Variants in RSPH14 observed in about 807,000 individuals in gnomAD.
RSPH14 encodes radial spoke head 14 homolog, also known as rhabdoid tumor deletion region gene 1.
In RSPH14, 20 loss-of-function variants were observed where a neutral mutation model predicts 26.7. The ratio of observed to expected loss-of-function variants is 0.75; its 90% CI spans 0.53 to 1.09. The LOEUF (loss-of-function observed/expected upper bound fraction) is 1.09, where lower values mean the gene tolerates loss of function less well. RSPH14 is among the 50% of genes least tolerant of loss of function. RSPH14 has a pLI of 0.00. For synonymous variants in RSPH14, 177 were observed against 189.3 expected, an observed-to-expected ratio of 0.93 and a Z score of 0.53; for missense variants, 449 against 457.2, an observed-to-expected ratio of 0.98 and a Z score of 0.16.
At chr22:23,107,396 G>A (rs979524243) in intron 4 of RSPH14, among the ~76,000 whole-genome samples, 4 of 152,192 alleles carry the variant, frequency 2.6e-5, no homozygotes, top group African/African-American at 7.2e-5. Context: ...AGCCCTGTGC[G>A]GGTGGGCAGG....
intron 4 of RSPH14, chr22:23,132,876 C>T (rs1569194415): frequency 2.0e-5 from 3 of 151,978 alleles, no homozygotes; most frequent in African/African-American, 7.3e-5. Flanking sequence ...TGGTGGTCCC[C>T]CCATCTCGGG....
chr22:23,143,349 A>G (rs1055203944), upstream of RSPH14, among the ~76,000 whole-genome samples: 3 of 151,906 alleles, frequency 2.0e-5, no homozygotes, highest in Admixed American at 1.3e-4. Flanking sequence ...AATTTTAAAA[A>G]AAGATACAAG....
chr22:23,152,498 T>C, the RSPH14 span: 1 of 1,614,096 alleles, frequency 6.2e-7, no homozygotes, highest in Non-Finnish European at 8.5e-7. Flanking sequence ...TGGCGATCTC[T>C]ACGTGGGGAA....
chr22:23,139,033 T>C, intron 2 of RSPH14, 91 bp from the exon 3 acceptor site: 1 of 971,656 alleles, frequency 1.0e-6, no homozygotes, highest in Non-Finnish European at 1.5e-6. Context: ...AGTGGGCCAG[T>C]TGGGGCAGGA....
At chr22:23,079,248 G>C (rs778262083) in intron 4 of RSPH14, among the ~76,000 whole-genome samples, 1 of 152,228 alleles carries the variant, frequency 6.6e-6, no homozygotes, top group African/African-American at 2.4e-5. Flanking sequence ...GCGAATATGG[G>C]GGTCATTTTC....
chr22:23,108,638 A>C (rs1359861931), intron 4 of RSPH14, among the ~76,000 whole-genome samples: 1 of 152,276 alleles, frequency 6.6e-6, no homozygotes, highest in African/African-American at 2.4e-5. Flanking sequence ...AGGTGCCCTC[A>C]TGGGGCAGAA....
chr22:23,133,096 G>A (rs1427171976), intron 4 of RSPH14: 1 of 152,056 alleles, frequency 6.6e-6, no homozygotes, highest in Non-Finnish European at 1.5e-5. Flanking sequence ...TCTCTTCTTA[G>A]GTATGTTTCA....
intron 4 of RSPH14, among the ~76,000 whole-genome samples, chr22:23,090,991 C>T (rs1296713734): frequency 3.3e-5 from 5 of 152,200 alleles, no homozygotes; most frequent in African/African-American, 1.2e-4. Context: ...CTGCCCCAGT[C>T]GCCTCAGCCT....
chr22:23,125,122 C>T (rs2070147000), intron 4 of RSPH14: 1 of 152,216 alleles, frequency 6.6e-6, no homozygotes, highest in African/African-American at 2.4e-5. Context: ...CACCTCCATT[C>T]TGAGGTCCCA....
chr22:23,156,539 G>T, the RSPH14 span, among the ~76,000 whole-genome samples: 1 of 152,150 alleles, frequency 6.6e-6, no homozygotes, highest in East Asian at 1.9e-4. Context: ...AGCAGGGGGC[G>T]GCAGCATAAG....
intron 3 of RSPH14, among the ~76,000 whole-genome samples, chr22:23,135,733 T>G (rs1227601765): frequency 1.3e-5 from 2 of 152,084 alleles, no homozygotes; most frequent in Non-Finnish European, 2.9e-5. Flanking sequence ...GAATGCCTTA[T>G]CATTTGTGTT....
chr22:23,107,280 G>T (rs995645020), intron 4 of RSPH14, among the ~76,000 whole-genome samples: 5 of 152,176 alleles, frequency 3.3e-5, no homozygotes, highest in Admixed American at 1.3e-4. Context: ...TCCCAGAGGA[G>T]CCCCATCTGT....
At chr22:23,160,844 A>G in the RSPH14 span, 2 of 1,601,826 alleles carry the variant, frequency 1.2e-6, no homozygotes, top group Non-Finnish European at 1.7e-6. Context: ...AAGGAGAAAC[A>G]CTGATGAGGT....
upstream of RSPH14, among the ~76,000 whole-genome samples, chr22:23,149,204 G>A (rs2070966139): frequency 2.1e-5 from 1 of 47,290 alleles, no homozygotes; most frequent in African/African-American, 1.1e-4. Context: ...AGGGGTGGGG[G>A]GCGGGGGGCG....
chr22:23,099,939 G>C (rs1462992025), intron 4 of RSPH14, among the ~76,000 whole-genome samples: 1 of 152,262 alleles, frequency 6.6e-6, no homozygotes, highest in African/African-American at 2.4e-5. Context: ...AATGGACTCT[G>C]CTGGCCACCA....
At chr22:23,140,088 G>C in intron 2 of RSPH14, 134 bp downstream of exon 2, 1 of 1,069,748 alleles carries the variant, frequency 9.3e-7, no homozygotes, top group South Asian at 1.6e-5. Flanking sequence ...AAAAGAACCC[G>C]GGCACCGCAC....
At chr22:23,152,278 C>CTCTCCCG in the RSPH14 span, among the ~76,000 whole-genome samples, 10 of 152,182 alleles carry the variant, frequency 6.6e-5, no homozygotes, top group Non-Finnish European at 4.4e-5. Context: ...AGTCTCCAGC[C>CTCTCCCG]TCTCCCGTCT....
chr22:23,078,953 G>T (rs1354121644), intron 4 of RSPH14, among the ~76,000 whole-genome samples: 1 of 152,190 alleles, frequency 6.6e-6, no homozygotes, highest in Non-Finnish European at 1.5e-5. Flanking sequence ...AAGGCCACGG[G>T]CCTTTCCAGA....
chr22:23,158,652 G>C, the RSPH14 span, among the ~76,000 whole-genome samples: 1 of 152,258 alleles, frequency 6.6e-6, no homozygotes, highest in African/African-American at 2.4e-5. Context: ...GGAGAGGCCA[G>C]AGGTGGGGCC....
Sources: gnomAD v4.1 joint callset for allele counts (sites outside exome capture counted in the v4.1 genomes callset) on GRCh38, gnomAD v4.1.1 for gene constraint, MANE v1.5 for transcripts, NCBI Gene and HGNC (gene_info 2026-07-23, HGNC 2026-07-21) for gene names.